The following ZNF730 variants were observed in gnomAD, a reference collection of about 807,000 sequenced individuals.
The protein encoded by ZNF730 is putative zinc finger protein 730.
A neutral mutation model predicts 12.6 loss-of-function variants in ZNF730; 12 were observed. The ratio of observed to expected loss-of-function variants is 0.95; its 90% CI spans 0.61 to 1.54. ZNF730 has a LOEUF of 1.54. Among genes scored for constraint, ZNF730 ranks in the 40% most tolerant of loss-of-function variants. The probability of loss-of-function intolerance (pLI) is 0.00; values close to 1 mark genes in which losing one functional copy is unlikely to be tolerated. For synonymous variants in ZNF730, 194 were observed against 195.8 expected (o/e 0.99, Z 0.08); for missense variants, 643 against 583.5 (o/e 1.10, Z -1.05).
chr19:23,119,895 T>A (rs1353400362), intron 1 of ZNF730, among the ~76,000 whole-genome samples: 1 of 152,110 alleles, frequency 6.6e-6, no homozygotes, highest in Non-Finnish European at 1.5e-5. Flanking sequence ...TCTTCTCAAT[T>A]TTTTAAAATA....
intron 1 of ZNF730, among the ~76,000 whole-genome samples, chr19:23,120,565 C>T (rs1019592483): frequency 6.6e-6 from 1 of 150,876 alleles, no homozygotes; most frequent in Non-Finnish European, 1.5e-5. Context: ...CTTCTTTTTT[C>T]ACTAATCTTA....
At chr19:23,089,162 C>T (rs376281915) in intron 1 of ZNF730, among the ~76,000 whole-genome samples, 12 of 152,038 alleles carry the variant, frequency 7.9e-5, no homozygotes, top group Admixed American at 2.0e-4. Context: ...TGAGCCACCG[C>T]GCCTGGCTGA....
chr19:23,106,444 A>G (rs369361491), intron 1 of ZNF730, among the ~76,000 whole-genome samples: 256 of 152,308 alleles, frequency 1.7e-3, no homozygotes, highest in African/African-American at 6.0e-3. Context: ...CAATGTAGAA[A>G]ATTTTAAAAG....
At chr19:23,127,569 G>A in intron 1 of ZNF730, 1 of 923,082 alleles carries the variant, frequency 1.1e-6, no homozygotes, top group Non-Finnish European at 1.8e-6. Flanking sequence ...GAATCATGAA[G>A]CCAGATAAAT....
chr19:23,078,137 C>G (rs150716022), intron 1 of ZNF730, among the ~76,000 whole-genome samples: 4 of 152,062 alleles, frequency 2.6e-5, no homozygotes, highest in African/African-American at 9.7e-5. Flanking sequence ...AAGACCTGAC[C>G]GTCCCCCAGC....
intron 1 of ZNF730, among the ~76,000 whole-genome samples, chr19:23,118,897 A>T (rs1185054870): frequency 1.3e-5 from 2 of 152,184 alleles, no homozygotes; most frequent in African/African-American, 2.4e-5. Flanking sequence ...TGCAGGGTAA[A>T]TTTGTGACAG....
At position 23,145,699 on chromosome 19, in the gene ZNF730, C is replaced by G. The variant is rs1970995018; in HGVS notation, c.655C>G (p.His219Asp). The G allele has an allele frequency of 6.4e-7, 1 of 1,555,520 alleles. No individual in the cohort carries two copies. Among genetic ancestry groups the G allele is most frequent in the Non-Finnish European group, 8.7e-7 (1 of 1,151,252 alleles). ...TAATGAGTCCTCAAACTGTACTACA[C>G]ATAAAAGAATTACTGAGAAAAAACC... The part of the protein sequence containing the change: ...AFNESSNCTT[H>D]KRITEKKPYK... Residue 219 changes from histidine (H) to aspartate (D), a missense_variant, in exon 4 of 4, where the codon CAT (histidine) becomes GAT (aspartate). Transcript: ENST00000597761.
chr19:23,109,064 C>A (rs1309938434), intron 1 of ZNF730, among the ~76,000 whole-genome samples: 1 of 149,766 alleles, frequency 6.7e-6, no homozygotes, highest in Non-Finnish European at 1.5e-5. Flanking sequence ...AAAATTGTGT[C>A]TTTTTTGACC....
intron 1 of ZNF730, among the ~76,000 whole-genome samples, chr19:23,087,416 A>G (rs940051823): frequency 9.9e-5 from 15 of 152,112 alleles, no homozygotes; most frequent in African/African-American, 3.6e-4. Flanking sequence ...TCAAAGAAAA[A>G]AAAGAAAAAA....
intron 1 of ZNF730, among the ~76,000 whole-genome samples, chr19:23,106,979 T>C (rs1333042958): frequency 2.0e-5 from 3 of 152,052 alleles, no homozygotes; most frequent in Non-Finnish European, 4.4e-5. Context: ...GCATAGTAAT[T>C]ACTGCCTGTT....
In ZNF730 at chr19:23,085,826, A is replaced by ATTTTT. The variant is rs1383951518; in HGVS notation, c.-94+10444_-94+10448dup. Among the ~76,000 whole-genome samples, 28 of 72,566 alleles carry ATTTTT rather than the reference A, an allele frequency of 3.9e-4. 4 individuals are homozygous for ATTTTT. Among genetic ancestry groups the ATTTTT allele is most frequent in the African/African-American group, 1.3e-3 (22 of 16,782 alleles). 47.6% of individuals were successfully genotyped at this position (72,566 alleles called of 152,430 possible). A position where few individuals can be genotyped will look rare whatever the true frequency, so the allele number is the denominator to read the frequency against. On this transcript the variant is annotated intron_variant, in intron 1 of 2. Transcript: ENST00000593635. ...ACCGCACCCAGACCTATTTCACCCA[A>ATTTTT]TTTTTTTTTCTTTTTTTTTTTTTTT...
intron 1 of ZNF730, among the ~76,000 whole-genome samples, chr19:23,090,671 T>C (rs1970142785): frequency 6.6e-6 from 1 of 151,978 alleles, no homozygotes; most frequent in Admixed American, 6.6e-5. Flanking sequence ...TCACAGCAGC[T>C]CCTCCCATCA....
chr19:23,135,613 C>T (rs180692264), intron 2 of ZNF730, among the ~76,000 whole-genome samples: 50 of 152,070 alleles, frequency 3.3e-4, no homozygotes, highest in South Asian at 1.0e-3. Flanking sequence ...TGGGTTCAAG[C>T]GATTCTCCTG....
rs535446990 is a variant in ZNF730 at position 23,130,042 on chromosome 19, G to T, written c.4-4038G>T. On this transcript the variant is annotated intron_variant, in intron 1 of 3. Transcript: ENST00000597761. The stretch of plus-strand genomic sequence containing the variant: ...GGGGGACTGTTGGGAAGGTATGATT[G>T]GTTTTGCAATGTAAAGACATTAGAT... Among the ~76,000 whole-genome samples, 20 of 151,266 alleles carry T rather than the reference G, an allele frequency of 1.3e-4. No homozygotes were observed. In the South Asian group the frequency reaches 4.0e-3, roughly 30 times the overall value.
chr19:23,089,011 TACAGGCATGTGCC>T (rs1217850849), intron 1 of ZNF730, among the ~76,000 whole-genome samples: 3 of 151,726 alleles, frequency 2.0e-5, no homozygotes, highest in Admixed American at 2.0e-4. Flanking sequence ...TAGCTGGGAT[TACAGGCATGTGCC>T]ACCTTGCCTG....
At chr19:23,104,866 T>A (rs1251107146) in intron 1 of ZNF730, among the ~76,000 whole-genome samples, 1 of 152,142 alleles carries the variant, frequency 6.6e-6, no homozygotes, top group African/African-American at 2.4e-5. Flanking sequence ...TTAACAGGCC[T>A]AGGAGCTCCA....
intron 3 of ZNF730, among the ~76,000 whole-genome samples, chr19:23,141,318 C>T (rs1441118986): frequency 3.3e-5 from 5 of 151,952 alleles, no homozygotes; most frequent in African/African-American, 9.7e-5. Flanking sequence ...TCACTTGAAC[C>T]CAGGAGGCAG....
chr19:23,105,180 C>G (rs1462738048), intron 1 of ZNF730, among the ~76,000 whole-genome samples: 1 of 149,900 alleles, frequency 6.7e-6, no homozygotes, highest in Admixed American at 6.7e-5. Flanking sequence ...TGCAGTGGCA[C>G]AATCTCGGCT....
chr19:23,113,757 C>CT (rs1970481949), upstream of ZNF730, among the ~76,000 whole-genome samples: 1 of 152,108 alleles, frequency 6.6e-6, no homozygotes, highest in Non-Finnish European at 1.5e-5. Context: ...CTTGATTCCA[C>CT]TTTACAAAAC....
Sources: allele counts gnomAD v4.1 joint callset (sites outside exome capture counted in the v4.1 genomes callset), GRCh38; gene constraint gnomAD v4.1.1; transcripts MANE v1.5; gene names NCBI Gene and HGNC (gene_info 2026-07-23, HGNC 2026-07-21).